The following CLPB variants were observed in gnomAD, a reference collection of about 807,000 sequenced individuals.
The protein encoded by CLPB is mitochondrial disaggregase.
A neutral mutation model predicts 78.4 loss-of-function variants in CLPB; 40 were observed. The observed-to-expected ratio is 0.51, with a 90% confidence interval of 0.40 to 0.66. The LOEUF is 0.66. CLPB is among the 30% of genes least tolerant of loss of function. The pLI is 0.00. For missense variants in CLPB, 780 were observed against 886.9 expected (o/e 0.88, Z 1.53); for synonymous variants, 333 against 348.0 (o/e 0.96, Z 0.48).
intron 2 of CLPB, chr11:72,408,066 C>A (rs1855761643): frequency 7.2e-7 from 1 of 1,383,138 alleles, no homozygotes; most frequent in Non-Finnish European, 9.9e-7. Flanking sequence ...TAGGAGGCAG[C>A]ACCGAAATAT....
chr11:72,413,017 G>A (rs1388347606), intron 2 of CLPB, among the ~76,000 whole-genome samples: 5 of 152,032 alleles, frequency 3.3e-5, no homozygotes, highest in Non-Finnish European at 5.9e-5. Context: ...TGCCAGGTGC[G>A]GTGGCTCAGG....
At chr11:72,388,851 A>T (rs1463236577) in intron 3 of CLPB, among the ~76,000 whole-genome samples, 1 of 152,238 alleles carries the variant, frequency 6.6e-6, no homozygotes, top group African/African-American at 2.4e-5. Context: ...TATAGCATAT[A>T]GCAGGGCAGA....
intron 11 of CLPB, among the ~76,000 whole-genome samples, chr11:72,300,276 T>A (rs574250853): frequency 8.5e-5 from 13 of 152,288 alleles, no homozygotes; most frequent in African/African-American, 2.4e-4. Flanking sequence ...AAGGGTTAAA[T>A]TGATACACAT....
chr11:72,362,346 C>A (rs1007690197), intron 4 of CLPB, among the ~76,000 whole-genome samples: 1 of 152,128 alleles, frequency 6.6e-6, no homozygotes, highest in African/African-American at 2.4e-5. Flanking sequence ...CCCCACTAGA[C>A]AAAAAACTCA....
intron 4 of CLPB, among the ~76,000 whole-genome samples, chr11:72,374,803 G>A (rs1951109442): frequency 6.6e-6 from 1 of 152,092 alleles, no homozygotes; most frequent in Admixed American, 6.5e-5. Context: ...CACCTTAAAT[G>A]CTGGTATCCT....
chr11:72,363,879 T>A (rs1339570449), intron 4 of CLPB, among the ~76,000 whole-genome samples: 1 of 152,238 alleles, frequency 6.6e-6, no homozygotes, highest in Non-Finnish European at 1.5e-5. Flanking sequence ...CTAAGCTAAC[T>A]TCTTTCAAGA....
intron 2 of CLPB, chr11:72,429,072 G>A (rs1316450332): frequency 6.6e-6 from 1 of 152,180 alleles, no homozygotes; most frequent in Non-Finnish European, 1.5e-5. Context: ...CCGTACTCCT[G>A]TACTGCAGCA....
At chr11:72,298,516 G>GAGAC (rs1221767935) in intron 11 of CLPB, among the ~76,000 whole-genome samples, 1 of 152,020 alleles carries the variant, frequency 6.6e-6, no homozygotes, top group Non-Finnish European at 1.5e-5. Context: ...TTTTGTTTTT[G>GAGAC]AGACAGGGTC....
At chr11:72,405,927 CAA>C (rs879763337) in intron 2 of CLPB, among the ~76,000 whole-genome samples, 8 of 124,064 alleles carry the variant, frequency 6.4e-5, no homozygotes, top group Admixed American at 8.3e-5. Flanking sequence ...GACTCTGTCT[CAA>C]AAAAAAAAAA....
intron 9 of CLPB, 24 bp from the exon 10 acceptor site, chr11:72,302,372 A>G: frequency 6.2e-7 from 1 of 1,613,428 alleles, no homozygotes. Context: ...AGCAAGTACC[A>G]ACTCCGTTTG....
chr11:72,354,236 G>C, intron 5 of CLPB: 1 of 390,212 alleles, frequency 2.6e-6, no homozygotes, highest in Non-Finnish European at 4.5e-6. Context: ...AAAAAAAATT[G>C]ACTAGTGATT....
intron 6 of CLPB, among the ~76,000 whole-genome samples, chr11:72,321,278 G>A (rs993190693): frequency 4.6e-5 from 7 of 152,126 alleles, no homozygotes; most frequent in African/African-American, 1.7e-4. Context: ...GAAGCAGAGG[G>A]CACTGAGCTG....
intron 4 of CLPB, among the ~76,000 whole-genome samples, chr11:72,360,141 C>G (rs1950807279): frequency 6.6e-6 from 1 of 152,166 alleles, no homozygotes; most frequent in Admixed American, 6.5e-5. Context: ...GAAAGTTATC[C>G]AGGCAACTGT....
At chr11:72,425,742 C>T (rs1856356039) in intron 2 of CLPB, among the ~76,000 whole-genome samples, 1 of 152,210 alleles carries the variant, frequency 6.6e-6, no homozygotes, top group Admixed American at 6.5e-5. Context: ...TTCCCCTCTG[C>T]ATACCCCCCA....
At chr11:72,396,489 A>G (rs1855411060) in intron 3 of CLPB, among the ~76,000 whole-genome samples, 1 of 152,130 alleles carries the variant, frequency 6.6e-6, no homozygotes, top group Non-Finnish European at 1.5e-5. Flanking sequence ...GCCTCACTAT[A>G]TAGGTGGTGT....
intron 7 of CLPB, among the ~76,000 whole-genome samples, chr11:72,309,036 T>C (rs1043315491): frequency 3.3e-5 from 5 of 152,144 alleles, no homozygotes; most frequent in Non-Finnish European, 2.9e-5. Flanking sequence ...TGGCAGGCCC[T>C]TGGGGATGTG....
chr11:72,360,928 T>C (rs571807428), intron 4 of CLPB, among the ~76,000 whole-genome samples: 99 of 152,324 alleles, frequency 6.5e-4, no homozygotes, highest in Admixed American at 6.4e-3. Flanking sequence ...CATATCATAA[T>C]GTCACCCTCA....
rs1474506109 is a variant in CLPB, at chr11:72,377,677, GAAGGGAAGGGGAAGGGA to G, written c.646+2587_646+2603del. 3.3e-5 allele frequency among the ~76,000 whole-genome samples: 5 copies of G among 150,222 alleles called. No individual in the cohort carries two copies. The South Asian group carries it at 6.3e-4, about 19-fold the overall frequency. On this transcript the variant is annotated intron_variant, in intron 4 of 15. Transcript: ENST00000538039. ...GGGGAAGGGAAGGGGAAGGGAAGGG[GAAGGGAAGGGGAAGGGA>G]AAGGGAAGGGGAAGGAAGGAAGGAA...
At chr11:72,356,119 T>TA (rs564907845) in intron 5 of CLPB, among the ~76,000 whole-genome samples, 203 of 151,510 alleles carry the variant, frequency 1.3e-3, no homozygotes, top group African/African-American at 4.7e-3. Context: ...CTACCTCTAC[T>TA]AAAAAAAATA....
Sources: gnomAD v4.1 joint callset for allele counts (sites outside exome capture counted in the v4.1 genomes callset) on GRCh38, gnomAD v4.1.1 for gene constraint, MANE v1.5 for transcripts, NCBI Gene and HGNC (gene_info 2026-07-23, HGNC 2026-07-21) for gene names.